Variants in TWIST2 observed in about 807,000 individuals in gnomAD.
TWIST2 encodes the protein twist family bHLH transcription factor 2, also known as twist-related protein 2.
In TWIST2, 1 loss-of-function variant was observed where a neutral mutation model predicts 11.6. The observed-to-expected ratio is 0.09, with a 90% CI of 0.03 to 0.41. The LOEUF (loss-of-function observed/expected upper bound fraction) is 0.41, where lower values mean the gene tolerates loss of function less well. Ranked by LOEUF, TWIST2 falls within the 10% of genes least tolerant of loss-of-function variation. The probability of loss-of-function intolerance (pLI) is 0.98; values close to 1 mark genes in which losing one functional copy is unlikely to be tolerated. For missense variants in TWIST2, 168 were observed against 226.4 expected (o/e 0.74, Z 1.66); for synonymous variants, 87 against 96.6 (o/e 0.90, Z 0.58).
intron 1 of TWIST2, among the ~76,000 whole-genome samples, chr2:238,909,314 T>C (rs1180228317): frequency 1.3e-5 from 2 of 151,910 alleles, no homozygotes; most frequent in African/African-American, 4.8e-5. Flanking sequence ...TGCAATTGTT[T>C]TGAAAGCACG....
At chr2:238,891,645 G>T (rs545090318) in intron 1 of TWIST2, among the ~76,000 whole-genome samples, 1 of 152,308 alleles carries the variant, frequency 6.6e-6, no homozygotes, top group Non-Finnish European at 1.5e-5. Context: ...TGAAAGGCAG[G>T]TGGGGGCCTT....
chr2:238,888,033 T>C (rs755491584), intron 1 of TWIST2, among the ~76,000 whole-genome samples: 1 of 152,234 alleles, frequency 6.6e-6, no homozygotes, highest in Non-Finnish European at 1.5e-5. Context: ...TTAAAATTCA[T>C]GTGAGAGGAG....
chr2:238,851,679 A>G (rs1692244166), intron 1 of TWIST2, among the ~76,000 whole-genome samples: 1 of 152,114 alleles, frequency 6.6e-6, no homozygotes, highest in South Asian at 2.1e-4. Context: ...TACTTCTCAT[A>G]GGTGTTTGTT....
At chr2:238,878,131 C>T (rs973798653) in intron 1 of TWIST2, among the ~76,000 whole-genome samples, 2 of 152,180 alleles carry the variant, frequency 1.3e-5, no homozygotes, top group Non-Finnish European at 2.9e-5. Context: ...CCCAGGATGT[C>T]GTTAAAGGCT....
rs147978583 is a variant in TWIST2, at chr2:238,867,125, C to T, written c.*35+18392C>T. Among the ~76,000 whole-genome samples the T allele has an allele frequency of 3.7e-3, 564 of 152,236 alleles. 2 individuals carry two copies. The highest frequency in any genetic ancestry group is 0.013 in the African/African-American group (529 of 41,532). On this transcript the variant is annotated intron_variant, in intron 1 of 1. Transcript: ENST00000612363. This position sits in a 1 kb window ranked among gnomAD's most constrained non-coding sequence, Gnocchi z 4.8. ...AAACAGAGGAGCCAGCCTCTTGTTT[C>T]GAGGGCCTTTTCCGTCCTCGAAGCC...
rs1180666243 is a variant in TWIST2 at position 238,857,937 on chromosome 2, AAAAC to A, written c.*35+9219_*35+9222del. ...GAGCGACAAAGCGAGATTTCATCTC[AAAAC>A]AAACAAACAAACAACAAGCAAACCA... On this transcript the variant is annotated intron_variant, in intron 1 of 1. Transcript: ENST00000612363. Among the ~76,000 whole-genome samples, 10 of 152,242 alleles carry A rather than the reference AAAAC, an allele frequency of 6.6e-5. No homozygotes were observed. In the East Asian group the frequency reaches 1.8e-3, roughly 27 times the overall value.
At position 238,867,987 on chromosome 2, in the gene TWIST2, G is replaced by A. The variant is rs1324315188; in HGVS notation, c.*35+19254G>A. On this transcript the variant is annotated intron_variant, in intron 1 of 1. Coordinates refer to ENST00000612363, the MANE Select transcript of TWIST2 (RefSeq NM_001271893.4). This position sits in a 1 kb window ranked among gnomAD's most constrained non-coding sequence, Gnocchi z 4.8. ...CACCCTCCTGCATGTAGTGAGGCTC[G>A]GGAAACGTGGAACGAAAGAAAGATA... is the stretch of plus-strand genomic sequence containing the variant. 1.3e-5 allele frequency among the ~76,000 whole-genome samples: 2 copies of A among 152,198 alleles called. No homozygotes were observed. The highest frequency in any genetic ancestry group is 1.9e-4 in the East Asian group (1 of 5,192).
At chr2:238,884,136 T>C (rs1574762396) in intron 1 of TWIST2, among the ~76,000 whole-genome samples, 1 of 152,116 alleles carries the variant, frequency 6.6e-6, no homozygotes, top group East Asian at 1.9e-4. Flanking sequence ...GCTGAACATC[T>C]TCTGGGAAAC....
chr2:238,850,625 A>G (rs933313783), intron 1 of TWIST2, among the ~76,000 whole-genome samples: 8 of 152,238 alleles, frequency 5.3e-5, no homozygotes, highest in African/African-American at 1.9e-4. Context: ...CTCAAAACTT[A>G]GAGAATCAGC....
At chr2:238,882,675 T>C (rs1403734117) in intron 1 of TWIST2, among the ~76,000 whole-genome samples, 1 of 152,224 alleles carries the variant, frequency 6.6e-6, no homozygotes, top group Non-Finnish European at 1.5e-5. Flanking sequence ...CTTAAATTCA[T>C]GGGGAAAACT....
At chr2:238,877,733 T>G (rs1179611665) in intron 1 of TWIST2, among the ~76,000 whole-genome samples, 1 of 152,234 alleles carries the variant, frequency 6.6e-6, no homozygotes, top group Non-Finnish European at 1.5e-5. Context: ...AAATACATAC[T>G]ACTGTGAACA....
chr2:238,905,974 C>T (rs1268574821), intron 1 of TWIST2, among the ~76,000 whole-genome samples: 39 of 124,974 alleles, frequency 3.1e-4, no homozygotes, highest in East Asian at 8.4e-4. Context: ...CGTGTGTGTG[C>T]GCGCGCGTGT....
intron 1 of TWIST2, among the ~76,000 whole-genome samples, chr2:238,861,715 C>G (rs985019764): frequency 6.6e-6 from 1 of 152,240 alleles, no homozygotes; most frequent in Non-Finnish European, 1.5e-5. Context: ...TTACAGCCGT[C>G]CCGTTTATCC....
At position 238,868,052 on chromosome 2, in the gene TWIST2, C is replaced by T. The variant is rs147894294; in HGVS notation, c.*35+19319C>T. Among the ~76,000 whole-genome samples the T allele has an allele frequency of 1.6e-3, 238 of 152,314 alleles. 1 individual carries two copies. The highest frequency in any genetic ancestry group is 5.3e-3 in the African/African-American group (221 of 41,568). On this transcript the variant is annotated intron_variant, in intron 1 of 1. Transcript: ENST00000612363. Reference sequence around the variant, plus strand: ...AGTATAATGGAAGTTCCAAGGAACACTGCAGTTAGGAAGGTGGCTGGCATT... The same window carrying T: ...AGTATAATGGAAGTTCCAAGGAACATTGCAGTTAGGAAGGTGGCTGGCATT...
intron 1 of TWIST2, among the ~76,000 whole-genome samples, chr2:238,850,786 G>C (rs1692228878): frequency 6.6e-6 from 1 of 152,094 alleles, no homozygotes; most frequent in South Asian, 2.1e-4. Context: ...TCTATAAGGA[G>C]CCTATTTATT....
intron 1 of TWIST2, among the ~76,000 whole-genome samples, chr2:238,877,249 C>T (rs1692824120): frequency 6.6e-6 from 1 of 152,122 alleles, no homozygotes; most frequent in African/African-American, 2.4e-5. Context: ...GTATAAAAGT[C>T]AGCAGGTTTC....
chr2:238,848,202 G>A lies in TWIST2; in HGVS notation c.-14G>A. ...CCCCGGCGCCCCCAGCCCCACGCGC[G>A]CCGGGCGGGCGCCATGGAGGAGGGC... On this transcript the variant is annotated 5_prime_UTR_variant, in exon 1 of 2. Transcript: ENST00000612363. 1 of 1,278,536 alleles carries A rather than the reference G, an allele frequency of 7.8e-7. No individual in the cohort carries two copies. Among genetic ancestry groups the A allele is most frequent in the Non-Finnish European group, 9.9e-7 (1 of 1,015,070 alleles). 79.2% of individuals were successfully genotyped at this position (1,278,536 alleles called of 1,614,324 possible). A position where few individuals can be genotyped will look rare whatever the true frequency, so the allele number is the denominator to read the frequency against.
At chr2:238,858,026 A>G (rs966542682) in intron 1 of TWIST2, among the ~76,000 whole-genome samples, 2 of 152,198 alleles carry the variant, frequency 1.3e-5, no homozygotes, top group Middle Eastern at 3.2e-3. Context: ...TCCAAAGCCA[A>G]CTGGCCTGGG....
At chr2:238,901,134 T>C (rs1693264524) in intron 1 of TWIST2, among the ~76,000 whole-genome samples, 1 of 151,860 alleles carries the variant, frequency 6.6e-6, no homozygotes, top group African/African-American at 2.4e-5. Context: ...GTGCCAACCA[T>C]GCTGGCTAAT....
Sources: allele counts gnomAD v4.1 joint callset (sites outside exome capture counted in the v4.1 genomes callset), GRCh38; gene constraint gnomAD v4.1.1; non-coding constraint Gnocchi (gnomAD v3.1); transcripts MANE v1.5; gene names NCBI Gene and HGNC (gene_info 2026-07-23, HGNC 2026-07-21).